SUMF2: variants seen among roughly 807,000 people sequenced by gnomAD.
SUMF2 encodes sulfatase modifying factor 2.
A neutral mutation model predicts 44.8 loss-of-function variants in SUMF2; 45 were observed. That is an observed-to-expected ratio of 1.00 (90% CI 0.79 to 1.29). SUMF2 has a LOEUF of 1.29. Ranked by LOEUF, SUMF2 falls within the 50% of genes most tolerant of loss-of-function variation. The probability of loss-of-function intolerance (pLI) is 0.00; values close to 1 mark genes in which losing one functional copy is unlikely to be tolerated. For synonymous variants in SUMF2, 148 were observed against 150.4 expected (o/e 0.98, Z 0.12); for missense variants, 418 against 389.9 (o/e 1.07, Z -0.61).
At chr7:56,084,122 C>A (rs989730211), downstream of SUMF2, 2 of 1,302,022 alleles carry the variant, frequency 1.5e-6, no homozygotes, top group Non-Finnish European at 1.1e-6. Flanking sequence ...GCAATGGGCC[C>A]CGAGCTGGTG....
intron 1 of SUMF2, 88 bp downstream of exon 1, chr7:56,064,466 C>T: frequency 2.7e-6 from 4 of 1,472,248 alleles, no homozygotes; most frequent in South Asian, 2.7e-5. Flanking sequence ...GCCCTTCTGC[C>T]GGCTTCCGGG....
At position 56,074,196 on chromosome 7, in the gene SUMF2, T is replaced by A; in HGVS notation, c.362T>A (p.Val121Glu). The stretch of plus-strand genomic sequence containing the variant: ...CAGTCTGTACTCTGGTGGCTTCCAG[T>A]GGAAAAGGCATTTTGGAGGCAGGTA... ...PMKSVLWWLP[V>E]EKAFWRQPAG... Residue 121 changes from valine (V) to glutamate (E), a missense_variant, in exon 4 of 9, where the codon GTG (valine) becomes GAG (glutamate). Val to Glu is a moderately radical substitution (Grantham distance 121). Transcript: ENST00000434526. 6.2e-7 allele frequency: 1 copy of A among 1,613,980 alleles called. No individual in the cohort carries two copies. Among genetic ancestry groups the A allele is most frequent in the South Asian group, 1.1e-5 (1 of 91,080 alleles).
downstream of SUMF2, among the ~76,000 whole-genome samples, chr7:56,082,975 G>A (rs1030474229): frequency 6.6e-5 from 10 of 151,928 alleles, no homozygotes; most frequent in African/African-American, 9.7e-5. Context: ...GCGTTGTGGC[G>A]CGTGCCTGCA....
intron 5 of SUMF2, among the ~76,000 whole-genome samples, chr7:56,075,186 T>G (rs1274212982): frequency 6.6e-6 from 1 of 151,334 alleles, no homozygotes; most frequent in Non-Finnish European, 1.5e-5. Flanking sequence ...GACCAGTGTT[T>G]TTTTTTTTTT....
the SUMF2 span, among the ~76,000 whole-genome samples, chr7:56,087,342 C>T: frequency 0.17 from 26,302 of 151,822 alleles, 2,588 homozygotes; most frequent in Admixed American, 0.23. Flanking sequence ...CTGCTTCAGC[C>T]TCCCGAGTGG....
At chr7:56,070,688 C>T (rs914753713) in intron 2 of SUMF2, among the ~76,000 whole-genome samples, 5 of 151,934 alleles carry the variant, frequency 3.3e-5, no homozygotes, top group African/African-American at 4.8e-5. Flanking sequence ...GACACATTCC[C>T]CACCCTTAAA....
At chr7:56,068,722 G>A in intron 2 of SUMF2, 84 bp downstream of exon 2, 1 of 1,413,774 alleles carries the variant, frequency 7.1e-7, no homozygotes, top group Non-Finnish European at 9.3e-7. Context: ...TTTGTTTTTT[G>A]AGACTGACTC....
intron 1 of SUMF2, among the ~76,000 whole-genome samples, chr7:56,066,191 A>C: frequency 6.6e-6 from 1 of 152,142 alleles, no homozygotes; most frequent in East Asian, 1.9e-4. Flanking sequence ...ATCCAAAGAT[A>C]GGATCTTGAG....
At chr7:56,084,711 AT>A, downstream of SUMF2, among the ~76,000 whole-genome samples, 1 of 152,206 alleles carries the variant, frequency 6.6e-6, no homozygotes, top group Non-Finnish European at 1.5e-5. Flanking sequence ...AATGGGAAGA[AT>A]CGGCTGTGCA....
intron 1 of SUMF2, among the ~76,000 whole-genome samples, chr7:56,068,157 C>T (rs1277962491): frequency 3.3e-5 from 5 of 151,362 alleles, no homozygotes; most frequent in African/African-American, 1.2e-4. Flanking sequence ...CCTCAGCCTC[C>T]CAAGTAGCTG....
chr7:56,083,757 CA>C (rs750962480), downstream of SUMF2: 4 of 1,334,636 alleles, frequency 3.0e-6, no homozygotes, highest in Admixed American at 3.9e-5. Flanking sequence ...GTCCCAAGAC[CA>C]CCACTGCCCT....
intron 5 of SUMF2, among the ~76,000 whole-genome samples, chr7:56,076,029 T>G (rs1315930642): frequency 6.5e-5 from 1 of 15,404 alleles, no homozygotes; most frequent in Non-Finnish European, 1.8e-4. Flanking sequence ...TGCCCGGCTA[T>G]TTTTTTTTTT....
At position 56,064,319 on chromosome 7, in the gene SUMF2, G is replaced by A. The variant is rs749955395; in HGVS notation, c.8G>A (p.Arg3Gln). MA[R>Q]HGLPLLPLLS... Reference sequence around the variant, plus strand: ...CGCAGCGCGGCAGTCCTGATGGCCCGGCATGGGTTACCGCTGCTGCCCCTG... The same window carrying A: ...CGCAGCGCGGCAGTCCTGATGGCCCAGCATGGGTTACCGCTGCTGCCCCTG... The change falls in exon 1 of 9, where the codon CGG becomes CAG. Residue 3 changes from arginine (R) to glutamine (Q), a missense_variant. Arg to Gln is a conservative substitution (Grantham distance 43). Coordinates refer to ENST00000434526, the MANE Select transcript of SUMF2 (RefSeq NM_015411.4). 6.3e-7 allele frequency: 1 copy of A among 1,595,790 alleles called. No individual in the cohort carries two copies. The highest frequency in any genetic ancestry group is 8.5e-7 in the Non-Finnish European group (1 of 1,171,660).
intron 8 of SUMF2, 52 bp from the exon 9 acceptor site, chr7:56,079,476 T>A (rs1484609350): frequency 6.4e-7 from 1 of 1,556,792 alleles, no homozygotes; most frequent in Non-Finnish European, 8.7e-7. Context: ...GGGTAAGCCC[T>A]AGGCCTTTTT....
downstream of SUMF2, chr7:56,084,370 ATTTTTT>A: frequency 7.8e-5 from 32 of 408,702 alleles, no homozygotes; most frequent in Non-Finnish European, 1.0e-4. Context: ...GAGTATCCCG[ATTTTTT>A]TTTTTTTTTT....
chr7:56,082,591 CA>C (rs529327899), downstream of SUMF2, among the ~76,000 whole-genome samples: 8 of 146,310 alleles, frequency 5.5e-5, no homozygotes, highest in Admixed American at 1.4e-4. Flanking sequence ...GACTCTGTTT[CA>C]AAAAAAAAAG....
At chr7:56,085,180 C>T (rs983746246), downstream of SUMF2, among the ~76,000 whole-genome samples, 7 of 152,082 alleles carry the variant, frequency 4.6e-5, no homozygotes, top group Admixed American at 2.0e-4. Context: ...AGGCTGGTCT[C>T]GAACTCCCGG....
chr7:56,072,223 C>T (rs752055891), intron 2 of SUMF2, among the ~76,000 whole-genome samples: 3 of 150,710 alleles, frequency 2.0e-5, no homozygotes, highest in Non-Finnish European at 3.0e-5. Context: ...GTTAGGAGTT[C>T]GAGACCAGCC....
downstream of SUMF2, chr7:56,080,985 C>T (rs1795946552): frequency 6.3e-7 from 1 of 1,576,882 alleles, no homozygotes; most frequent in Non-Finnish European, 8.6e-7. Flanking sequence ...GCATCTCACC[C>T]CTTTGACTTG....
Sources: gnomAD v4.1 joint callset for allele counts (sites outside exome capture counted in the v4.1 genomes callset) on GRCh38, gnomAD v4.1.1 for gene constraint, MANE v1.5 for transcripts, NCBI Gene and HGNC (gene_info 2026-07-23, HGNC 2026-07-21) for gene names.